The following TRAPPC11 variants were observed in gnomAD, a reference collection of about 807,000 sequenced individuals.
TRAPPC11 encodes foie gras homolog.
A neutral mutation model predicts 151.2 loss-of-function variants in TRAPPC11; 104 were observed. The observed-to-expected ratio is 0.69, with a 90% confidence interval of 0.59 to 0.81. The LOEUF is 0.81. TRAPPC11 is among the 30% of genes least tolerant of loss of function. TRAPPC11 has a pLI of 0.00. For synonymous variants in TRAPPC11, 456 were observed against 472.3 expected (o/e 0.97, Z 0.45); for missense variants, 1,230 against 1,349.6 (o/e 0.91, Z 1.39).
intron 1 of TRAPPC11, among the ~76,000 whole-genome samples, chr4:183,660,478 T>C (rs1734423393): frequency 6.6e-6 from 1 of 152,260 alleles, no homozygotes; most frequent in Admixed American, 6.5e-5. Context: ...AATTGAATAT[T>C]AAAATGAATT....
rs200931036 is a variant in TRAPPC11 at position 183,697,558 on chromosome 4, T to C, written c.2684T>C (p.Val895Ala). ...CCATTTGATGTTGCGGTTAAATTTG[T>C]TTCTACCAAGGTATGTTTCTTTGAG... ...VFPFDVAVKF[V>A]STKFEHLERV... is the part of the protein sequence containing the mutation. Residue 895 changes from valine (V) to alanine (A), a missense_variant, in exon 24 of 30, where the codon GTT (valine) becomes GCT (alanine). Val to Ala is a moderately conservative substitution (Grantham distance 64). Transcript: ENST00000334690. 6.8e-5 allele frequency: 109 copies of C among 1,603,666 alleles called. No individual in the cohort carries two copies. The East Asian group carries it at 2.3e-3, about 34-fold the overall frequency.
chr4:183,685,298 T>A lies in TRAPPC11; in HGVS notation c.1657T>A (p.Cys553Ser). Residue 553 changes from cysteine to serine, a missense_variant, in exon 17 of 30, where the codon TGT (cysteine) becomes AGT (serine). Transcript: ENST00000334690. ...MNESPDPEPD[C>S]DILAVKTAQK... ...TGAAAGTCCTGATCCAGAACCCGAC[T>A]GTGATATCTTAGCTGTGAAAACTGC... The A allele has an allele frequency of 6.2e-7, 1 of 1,614,118 alleles. No homozygotes were observed. The highest frequency in any genetic ancestry group is 8.5e-7 in the Non-Finnish European group (1 of 1,179,978).
intron 23 of TRAPPC11, among the ~76,000 whole-genome samples, chr4:183,696,694 C>T (rs1005372589): frequency 3.3e-5 from 5 of 152,144 alleles, no homozygotes; most frequent in African/African-American, 1.2e-4. Context: ...CATGCCCACC[C>T]CCCCATTGTT....
At position 183,669,384 on chromosome 4, in the gene TRAPPC11, C is replaced by G. The variant is rs372181854; in HGVS notation, c.560+1267C>G. On this transcript the variant is annotated intron_variant, in intron 5 of 29. Coordinates refer to ENST00000334690, the MANE Select transcript of TRAPPC11 (RefSeq NM_021942.6). ...CTCATCCCAGCATCACACCTGGCCT[C>G]AGCTCTCCAGGCCTGGACAGCTCAC... is the stretch of plus-strand genomic sequence containing the variant. Among the ~76,000 whole-genome samples the G allele has an allele frequency of 2.7e-4, 41 of 152,340 alleles. 1 individual carries two copies. In the South Asian group the frequency reaches 7.7e-3, roughly 28 times the overall value.
chr4:183,702,821 CAG>C (rs905926580), intron 26 of TRAPPC11, among the ~76,000 whole-genome samples: 15 of 152,082 alleles, frequency 9.9e-5, no homozygotes, highest in African/African-American at 2.9e-4. Context: ...AATTTTAAAA[CAG>C]GGAATAAAAT....
Position 183,701,786 on chromosome 4 carries a change from C to A in TRAPPC11, c.2941C>A (p.His981Asn), listed in dbSNP as rs777281515. 1.2e-5 allele frequency: 20 copies of A among 1,612,628 alleles called. No homozygotes were observed. The highest frequency in any genetic ancestry group is 1.7e-5 in the Non-Finnish European group (20 of 1,178,708). Residue 981 changes from histidine (H) to asparagine (N), a missense_variant, in exon 26 of 30, where the codon CAT (histidine) becomes AAT (asparagine). Physicochemically the swap from His to Asn is moderately conservative, Grantham distance 68. Coordinates refer to ENST00000334690, the MANE Select transcript of TRAPPC11 (RefSeq NM_021942.6). ...TATTGAAGGTGGAGTAGCAACCGGG[C>A]ATTATATTATCTCTTGGAAAAGGTA... ...GNIEGGVATG[H>N]YIISWKRTSA...
chr4:183,692,837 T>A, intron 19 of TRAPPC11, 123 bp from the exon 20 acceptor site: 1 of 813,046 alleles, frequency 1.2e-6, no homozygotes, highest in Non-Finnish European at 1.9e-6. Context: ...CTCACTTCTG[T>A]CACACTGGGG....
intron 23 of TRAPPC11, among the ~76,000 whole-genome samples, chr4:183,695,829 G>A (rs1225862211): frequency 6.6e-6 from 1 of 152,144 alleles, no homozygotes; most frequent in African/African-American, 2.4e-5. Context: ...GGCATGTAAT[G>A]TACTGTTGAA....
At chr4:183,699,609 A>C (rs1370102111) in intron 25 of TRAPPC11, among the ~76,000 whole-genome samples, 2 of 152,222 alleles carry the variant, frequency 1.3e-5, no homozygotes, top group African/African-American at 4.8e-5. Context: ...TAGTGGCTTA[A>C]AATGACACAG....
At chr4:183,712,472 T>C in intron 29 of TRAPPC11, 128 bp from the exon 30 acceptor site, 1 of 927,752 alleles carries the variant, frequency 1.1e-6, no homozygotes, top group Non-Finnish European at 1.7e-6. Context: ...ATTTTTATTT[T>C]GATGCTTACA....
At chr4:183,687,080 C>A (rs1179390859) in intron 18 of TRAPPC11, among the ~76,000 whole-genome samples, 7 of 152,070 alleles carry the variant, frequency 4.6e-5, no homozygotes, top group Non-Finnish European at 8.8e-5. Flanking sequence ...ACTTGGGAGG[C>A]TGAGGCAGGA....
chr4:183,697,244 G>A (rs2111077292), intron 23 of TRAPPC11, among the ~76,000 whole-genome samples: 1 of 152,042 alleles, frequency 6.6e-6, no homozygotes, highest in East Asian at 1.9e-4. Context: ...CCAGGTGTTC[G>A]AGGCTGCAGT....
chr4:183,694,548 T>A, intron 22 of TRAPPC11, 56 bp from the exon 23 acceptor site: 2 of 1,523,544 alleles, frequency 1.3e-6, no homozygotes, highest in Non-Finnish European at 1.8e-6. Flanking sequence ...CTAGAATATA[T>A]ATCAAGAAGA....
At chr4:183,674,169 T>C (rs1158809463) in intron 5 of TRAPPC11, among the ~76,000 whole-genome samples, 1 of 152,182 alleles carries the variant, frequency 6.6e-6, no homozygotes, top group African/African-American at 2.4e-5. Flanking sequence ...ATCCCAGCAC[T>C]TTGGGAGGCC....
chr4:183,697,684 G>C lies in TRAPPC11; in HGVS notation c.2700G>C (p.Glu900Asp). The change falls in exon 25 of 30, where the codon GAG becomes GAC. Residue 900 changes from glutamate (E) to aspartate (D), a missense_variant. Coordinates refer to ENST00000334690, the MANE Select transcript of TRAPPC11 (RefSeq NM_021942.6). ...TTTATCTTCATTTGTGACAGTTTGA[G>C]CACCTGGAAAGGGTTTATGCTGACA... Reference protein sequence around the residue: ...VAVKFVSTKFEHLERVYADIP... With the variant: ...VAVKFVSTKFDHLERVYADIP... 6.2e-7 allele frequency: 1 copy of C among 1,613,766 alleles called. No individual in the cohort carries two copies. Among genetic ancestry groups the C allele is most frequent in the Non-Finnish European group, 8.5e-7 (1 of 1,179,926 alleles).
In TRAPPC11 at chr4:183,664,058, A is replaced by G; in HGVS notation, c.191A>G (p.Lys64Arg). The G allele has an allele frequency of 6.2e-7, 1 of 1,612,834 alleles. No individual in the cohort carries two copies. Among genetic ancestry groups the G allele is most frequent in the Non-Finnish European group, 8.5e-7 (1 of 1,179,866 alleles). ...CTCCCAGGTGACCATGAGTATCCCA[A>G]ATGTAGACCCAAGGTAATGGCATTG... ...KVLPGDHEYPKCRPKRTSYEW... is the reference protein window; with the variant it reads ...KVLPGDHEYPRCRPKRTSYEW... Residue 64 changes from lysine to arginine, a missense_variant, in exon 2 of 30, where the codon AAA becomes AGA. Lys to Arg is a conservative substitution (Grantham distance 26). Coordinates refer to ENST00000334690, the MANE Select transcript of TRAPPC11 (RefSeq NM_021942.6).
chr4:183,661,361 CTTTTTT>C (rs139201416), intron 1 of TRAPPC11, among the ~76,000 whole-genome samples: 2 of 79,392 alleles, frequency 2.5e-5, no homozygotes, highest in Non-Finnish European at 4.5e-5. Flanking sequence ...TGTAGATTAC[CTTTTTT>C]TTTTTTTTTT....
At position 183,680,154 on chromosome 4, in the gene TRAPPC11, A is replaced by G. The variant is rs1431165116; in HGVS notation, c.1000A>G (p.Ile334Val). ...QAFGDLFDEA[I>V]KLGLTAIQTQ... ...CTTTGGAGATTTATTTGATGAAGCT[A>G]TTAAGTTAGGGTTAACAGCTATTCA... Residue 334 changes from isoleucine to valine, a missense_variant, in exon 10 of 30, where the codon ATT becomes GTT. Physicochemically the swap from Ile to Val is conservative, Grantham distance 29. Coordinates refer to ENST00000334690, the MANE Select transcript of TRAPPC11 (RefSeq NM_021942.6). 2 of 1,613,726 alleles carry G rather than the reference A, an allele frequency of 1.2e-6. No individual in the cohort carries two copies. The highest frequency in any genetic ancestry group is 4.5e-5 in the East Asian group (2 of 44,858).
At chr4:183,677,007 C>T (rs749132643) in intron 7 of TRAPPC11, among the ~76,000 whole-genome samples, 3 of 152,138 alleles carry the variant, frequency 2.0e-5, no homozygotes, top group Non-Finnish European at 2.9e-5. Context: ...TCAAGTGATC[C>T]GCCCACCTCA....
Sources: allele counts gnomAD v4.1 joint callset (sites outside exome capture counted in the v4.1 genomes callset), GRCh38; gene constraint gnomAD v4.1.1; transcripts MANE v1.5; gene names NCBI Gene and HGNC (gene_info 2026-07-23, HGNC 2026-07-21).